Variants in OTX2 observed in about 807,000 individuals in gnomAD.
OTX2 encodes homeobox protein OTX2.
A neutral mutation model predicts 29.0 loss-of-function variants in OTX2; 4 were observed. The observed-to-expected ratio is 0.14, with a 90% CI of 0.07 to 0.32. The LOEUF is 0.32. OTX2 is among the 10% of genes least tolerant of loss of function. The probability of loss-of-function intolerance (pLI) is 1.00; values close to 1 mark genes in which losing one functional copy is unlikely to be tolerated. For synonymous variants in OTX2, 134 were observed against 141.0 expected, an observed-to-expected ratio of 0.95 and a Z score of 0.35; for missense variants, 298 against 365.9, an observed-to-expected ratio of 0.81 and a Z score of 1.51.
At position 56,800,930 on chromosome 14, in the gene OTX2, ACT is replaced by A. The variant is rs1891851971; in HGVS notation, c.*803_*804del. 1 of 152,358 alleles carries A rather than the reference ACT, an allele frequency of 6.6e-6. No homozygotes were observed. Among genetic ancestry groups the A allele is most frequent in the South Asian group, 2.1e-4 (1 of 4,820 alleles). 9.4% of individuals were successfully genotyped at this position (152,358 alleles called of 1,614,324 possible). ...AGTGTCCTTTTGCTTCTCTTCTCTG[ACT>A]CTCTTTGTCCAGAGACATTTTGTCG... is the stretch of plus-strand genomic sequence containing the variant. On this transcript the variant is annotated 3_prime_UTR_variant, in exon 5 of 5. Transcript: ENST00000672264.
intron 2 of OTX2, among the ~76,000 whole-genome samples, chr14:56,809,340 G>T (rs1367991474): frequency 1.3e-5 from 2 of 152,234 alleles, no homozygotes; most frequent in East Asian, 3.9e-4. Context: ...GACCAGGGTC[G>T]GGGACCACGA....
rs1239590153 is a variant in OTX2 at position 56,801,097 on chromosome 14, A to G, written c.*638T>C. ...GAGGTGGAGTTCAAGGTTGCATACA[A>G]TAACAGGAGATCACAGTTTTGAAGT... is the stretch of plus-strand genomic sequence containing the variant. On this transcript the variant is annotated 3_prime_UTR_variant, in exon 5 of 5. Coordinates refer to ENST00000672264, the MANE Select transcript of OTX2 (RefSeq NM_021728.4). The surrounding 1 kb of genome is among the most constrained non-coding windows in gnomAD (Gnocchi z 4.2). 3 of 158,378 alleles carry G rather than the reference A, an allele frequency of 1.9e-5. No homozygotes were observed. Among genetic ancestry groups the G allele is most frequent in the African/African-American group, 4.8e-5 (2 of 41,476 alleles). The allele number at this position is 158,378 out of a possible 1,614,324, so 9.8% of individuals were successfully genotyped here. A position where few individuals can be genotyped will look rare whatever the true frequency, so the allele number is the denominator to read the frequency against.
rs535340519 is a variant in OTX2, at chr14:56,809,567, C to G, written c.-120+592G>C. 2.8e-4 allele frequency among the ~76,000 whole-genome samples: 42 copies of G among 152,316 alleles called. No individual in the cohort carries two copies. The South Asian group carries it at 8.3e-3, about 30-fold the overall frequency. ...TCCCAGCCTCCTCGGTTATCCGCTC[C>G]GGTTTCCGCTCACGTTCAACAGGGG... On this transcript the variant is annotated intron_variant, in intron 2 of 4. Coordinates refer to ENST00000672264, the MANE Select transcript of OTX2 (RefSeq NM_021728.4).
intron 2 of OTX2, 161 bp from the exon 3 acceptor site, chr14:56,805,736 A>T: frequency 3.9e-6 from 1 of 259,060 alleles, no homozygotes; most frequent in Admixed American, 6.7e-5. Flanking sequence ...CCCCACCCCC[A>T]CCCCCAGCTG....
At chr14:56,805,864 A>G (rs1215596731) in intron 2 of OTX2, among the ~76,000 whole-genome samples, 1 of 149,906 alleles carries the variant, frequency 6.7e-6, no homozygotes, top group African/African-American at 2.5e-5. Context: ...GCCTTCCCCA[A>G]GAACAAAAAC....
chr14:56,804,110 A>G lies in OTX2; in HGVS notation c.273+78T>C. ...AAGCCTTCCTTCAGTCCTCTGAAAG[A>G]CCTGGGGCTCTCCACAGTCCCATAC... is the stretch of plus-strand genomic sequence containing the variant. On this transcript the variant is annotated intron_variant, in intron 4 of 4. Coordinates refer to ENST00000672264, the MANE Select transcript of OTX2 (RefSeq NM_021728.4). The surrounding 1 kb of genome is among the most constrained non-coding windows in gnomAD (Gnocchi z 4.1). 10 of 1,510,604 alleles carry G rather than the reference A, an allele frequency of 6.6e-6. No individual in the cohort carries two copies. Among genetic ancestry groups the G allele is most frequent in the Non-Finnish European group, 8.3e-6 (9 of 1,086,026 alleles). The allele number at this position is 1,510,604 out of a possible 1,614,324, so 93.6% of individuals were successfully genotyped here.
Position 56,804,460 on chromosome 14 carries a change from G to A in OTX2, c.98-97C>T. 8.3e-7 allele frequency: 1 copy of A among 1,204,614 alleles called. No homozygotes were observed. Among genetic ancestry groups the A allele is most frequent in the Non-Finnish European group, 1.1e-6 (1 of 872,108 alleles). 74.6% of individuals were successfully genotyped at this position (1,204,614 alleles called of 1,614,324 possible). On this transcript the variant is annotated intron_variant, in intron 3 of 4. Coordinates refer to ENST00000672264, the MANE Select transcript of OTX2 (RefSeq NM_021728.4). The surrounding 1 kb of genome is among the most constrained non-coding windows in gnomAD (Gnocchi z 4.1). ...CCGCAGCAGTCCCCCGTTCCTCACA[G>A]CCCTTCAGCCGGGAGCCTACCAATG... is the stretch of plus-strand genomic sequence containing the variant.
chr14:56,800,318 T>C lies in OTX2; in HGVS notation c.*1417A>G, dbSNP rs1891830597. The C allele has an allele frequency of 6.6e-6, 1 of 151,992 alleles. No individual in the cohort carries two copies. Among genetic ancestry groups the C allele is most frequent in the East Asian group, 1.9e-4 (1 of 5,190 alleles). The allele number at this position is 151,992 out of a possible 1,614,324, so 9.4% of individuals were successfully genotyped here. On this transcript the variant is annotated 3_prime_UTR_variant, in exon 5 of 5. Transcript: ENST00000672264. Reference sequence around the variant, plus strand: ...AAATCCCCTTAATCAAATAAGAGAATAGTAACAAGAAATTCTTGTCATTCT... The same window carrying C: ...AAATCCCCTTAATCAAATAAGAGAACAGTAACAAGAAATTCTTGTCATTCT...
At chr14:56,808,206 T>A (rs1196446998) in intron 2 of OTX2, among the ~76,000 whole-genome samples, 1 of 152,136 alleles carries the variant, frequency 6.6e-6, no homozygotes, top group African/African-American at 2.4e-5. Context: ...TTATAATAAA[T>A]GTTTTCTTGA....
At position 56,800,283 on chromosome 14, in the gene OTX2, T is replaced by TAAA; in HGVS notation, c.*1449_*1451dup. 6.6e-6 allele frequency: 1 copy of TAAA among 150,678 alleles called. No homozygotes were observed. The highest frequency in any genetic ancestry group is 1.9e-4 in the East Asian group (1 of 5,148). The allele number at this position is 150,678 out of a possible 1,614,324, so 9.3% of individuals were successfully genotyped here. A position where few individuals can be genotyped will look rare whatever the true frequency, so the allele number is the denominator to read the frequency against. On this transcript the variant is annotated 3_prime_UTR_variant, in exon 5 of 5. Coordinates refer to ENST00000672264, the MANE Select transcript of OTX2 (RefSeq NM_021728.4). Reference sequence around the variant, plus strand: ...CATGTTTACCTCAGTTTTTGGAAGTTAAAAAAAAAAAATCCCCTTAATCAA... The same window carrying TAAA: ...CATGTTTACCTCAGTTTTTGGAAGTTAAAAAAAAAAAAAAATCCCCTTAATCAA...
rs986130839 is a variant in OTX2 at position 56,800,728 on chromosome 14, A to G, written c.*1007T>C. On this transcript the variant is annotated 3_prime_UTR_variant, in exon 5 of 5. Coordinates refer to ENST00000672264, the MANE Select transcript of OTX2 (RefSeq NM_021728.4). The stretch of plus-strand genomic sequence containing the variant: ...AATGTTGTGCTAGAACCATTTTAAT[A>G]TAATTATACATATCTGCCAAATCCA... 1.3e-5 allele frequency: 2 copies of G among 152,670 alleles called. No homozygotes were observed. The highest frequency in any genetic ancestry group is 3.8e-4 in the East Asian group (2 of 5,196). The allele number at this position is 152,670 out of a possible 1,614,324, so 9.5% of individuals were successfully genotyped here. A position where few individuals can be genotyped will look rare whatever the true frequency, so the allele number is the denominator to read the frequency against.
At position 56,801,059 on chromosome 14, in the gene OTX2, A is replaced by G. The variant is rs1376736111; in HGVS notation, c.*676T>C. ...ATAATTATAACCTATTTAATCACAG[A>G]AGAACCCCTGCAGAGGTGGAGTTCA... On this transcript the variant is annotated 3_prime_UTR_variant, in exon 5 of 5. Coordinates refer to ENST00000672264, the MANE Select transcript of OTX2 (RefSeq NM_021728.4). The surrounding 1 kb of genome is among the most constrained non-coding windows in gnomAD (Gnocchi z 4.2). 1.3e-5 allele frequency: 2 copies of G among 154,992 alleles called. No individual in the cohort carries two copies. The highest frequency in any genetic ancestry group is 2.9e-5 in the Non-Finnish European group (2 of 69,596). The allele number at this position is 154,992 out of a possible 1,614,324, so 9.6% of individuals were successfully genotyped here.
At chr14:56,806,484 T>C (rs556217449) in intron 2 of OTX2, among the ~76,000 whole-genome samples, 2 of 152,350 alleles carry the variant, frequency 1.3e-5, no homozygotes, top group African/African-American at 4.8e-5. Flanking sequence ...ACCAATCAGA[T>C]AATGACGGGA....
chr14:56,805,665 A>C, intron 2 of OTX2, 90 bp from the exon 3 acceptor site: 3 of 587,472 alleles, frequency 5.1e-6, no homozygotes, highest in Non-Finnish European at 6.2e-6. Flanking sequence ...ACTTAAAAAG[A>C]GCACGGACTA....
chr14:56,806,822 T>G (rs959850067), intron 2 of OTX2: 5 of 152,190 alleles, frequency 3.3e-5, no homozygotes, highest in Non-Finnish European at 7.3e-5. Flanking sequence ...AGCAAAGAGA[T>G]TCAAAGTAGA....
At position 56,801,614 on chromosome 14, in the gene OTX2, C is replaced by A. The variant is rs575988911; in HGVS notation, c.*121G>T. On this transcript the variant is annotated 3_prime_UTR_variant, in exon 5 of 5. Transcript: ENST00000672264. This position sits in a 1 kb window ranked among gnomAD's most constrained non-coding sequence, Gnocchi z 4.2. ...GTTTTTCCTTCTATGCCTCTCGGAA[C>A]TTTGATCAGATGAGTCTGAGCATCA... The A allele has an allele frequency of 1.8e-5, 21 of 1,196,484 alleles. No homozygotes were observed. Among genetic ancestry groups the A allele is most frequent in the Non-Finnish European group, 2.3e-5 (19 of 811,178 alleles). 74.1% of individuals were successfully genotyped at this position (1,196,484 alleles called of 1,614,324 possible). A position where few individuals can be genotyped will look rare whatever the true frequency, so the allele number is the denominator to read the frequency against.
intron 2 of OTX2, among the ~76,000 whole-genome samples, chr14:56,809,190 C>T (rs974855214): frequency 6.6e-6 from 1 of 152,140 alleles, no homozygotes; most frequent in African/African-American, 2.4e-5. Flanking sequence ...GTCCCTGGCC[C>T]GGCCGCGGCC....
chr14:56,807,521 C>G (rs181377479), intron 2 of OTX2, among the ~76,000 whole-genome samples: 1 of 152,132 alleles, frequency 6.6e-6, no homozygotes, highest in Non-Finnish European at 1.5e-5. Flanking sequence ...AATAAAGTAG[C>G]ACATTCCAAC....
chr14:56,804,308 C>A lies in OTX2; in HGVS notation c.153G>T (p.Thr51=), dbSNP rs1891999031. The A allele has an allele frequency of 6.2e-7, 1 of 1,614,126 alleles. No homozygotes were observed. Residue 51 remains threonine, a synonymous_variant, in exon 4 of 5, where the codon ACG becomes ACT. Transcript: ENST00000672264. This position sits in a 1 kb window ranked among gnomAD's most constrained non-coding sequence, Gnocchi z 4.1. ...CATCTAGCTGCGCCCGAGTGAACGT[C>A]GTCCTCTCCCGGCGCTGTTTCCGGG... ...ATPRKQRRER[T]TFTRAQLDVL...
Sources: allele counts gnomAD v4.1 joint callset (sites outside exome capture counted in the v4.1 genomes callset), GRCh38; gene constraint gnomAD v4.1.1; non-coding constraint Gnocchi (gnomAD v3.1); transcripts MANE v1.5; gene names NCBI Gene and HGNC (gene_info 2026-07-23, HGNC 2026-07-21).